HS3ST4: variants seen among roughly 807,000 people sequenced by gnomAD.
The protein encoded by HS3ST4 is heparan sulfate-glucosamine 3-sulfotransferase 4.
Under a neutral mutation model 29.2 loss-of-function variants are expected in HS3ST4, and 17 were observed. The ratio of observed to expected loss-of-function variants is 0.58; its 90% CI spans 0.40 to 0.87. The LOEUF (loss-of-function observed/expected upper bound fraction) is 0.87, where lower values mean the gene tolerates loss of function less well. HS3ST4 is among the 40% of genes least tolerant of loss of function. The probability of loss-of-function intolerance (pLI) is 0.00; values close to 1 mark genes in which losing one functional copy is unlikely to be tolerated. For synonymous variants in HS3ST4, 314 were observed against 285.7 expected (o/e 1.10, Z -1.00); for missense variants, 627 against 634.5 (o/e 0.99, Z 0.13).
chr16:26,039,786 T>C (rs1455214124), intron 1 of HS3ST4, among the ~76,000 whole-genome samples: 1 of 152,108 alleles, frequency 6.6e-6, no homozygotes, highest in Non-Finnish European at 1.5e-5. Flanking sequence ...CTTATGTCCA[T>C]GGGTTCAATT....
At chr16:25,829,302 T>A (rs796615630) in intron 1 of HS3ST4, among the ~76,000 whole-genome samples, 24 of 152,282 alleles carry the variant, frequency 1.6e-4, no homozygotes, top group African/African-American at 5.8e-4. Context: ...GAAAAGACAT[T>A]TTGCCCTAAA....
At chr16:25,837,742 A>G (rs1352772869) in intron 1 of HS3ST4, among the ~76,000 whole-genome samples, 2 of 152,118 alleles carry the variant, frequency 1.3e-5, no homozygotes, top group African/African-American at 4.8e-5. Context: ...TGCATATTAA[A>G]TACTTCTCTT....
chr16:25,909,201 T>C (rs146472258), intron 1 of HS3ST4, among the ~76,000 whole-genome samples: 33 of 152,318 alleles, frequency 2.2e-4, no homozygotes, highest in Non-Finnish European at 4.4e-4. Context: ...CTTTTTTCTT[T>C]TTTTCGAGAT....
At chr16:25,708,714 A>G (rs1328876917) in intron 1 of HS3ST4, among the ~76,000 whole-genome samples, 1 of 152,222 alleles carries the variant, frequency 6.6e-6, no homozygotes, top group African/African-American at 2.4e-5. Context: ...TTTAGAACAA[A>G]ACAATGAGTT....
chr16:25,816,615 G>GA (rs1967094659), intron 1 of HS3ST4, among the ~76,000 whole-genome samples: 4 of 152,176 alleles, frequency 2.6e-5, no homozygotes. Context: ...CTCTGGTGTT[G>GA]ATTTCAGAGG....
chr16:25,781,354 T>C (rs1285621126), intron 1 of HS3ST4, among the ~76,000 whole-genome samples: 1 of 152,204 alleles, frequency 6.6e-6, no homozygotes, highest in Admixed American at 6.5e-5. Context: ...AGGTCCCTCA[T>C]CAGCGGTTCT....
rs146163408 is a variant in HS3ST4 at position 25,827,910 on chromosome 16, C to T, written c.734+134759C>T. Among the ~76,000 whole-genome samples, 220 of 152,200 alleles carry T rather than the reference C, an allele frequency of 1.4e-3. 1 individual carries two copies. The highest frequency in any genetic ancestry group is 4.8e-3 in the African/African-American group (201 of 41,544). ...TACGGAGCTAGCAATCAGCAGAGCT[C>T]GTGTTGAAACCAAGTTTCAGATTCA... On this transcript the variant is annotated intron_variant, in intron 1 of 1. Transcript: ENST00000331351.
At chr16:25,917,142 G>A (rs1348524844) in intron 1 of HS3ST4, among the ~76,000 whole-genome samples, 1 of 152,176 alleles carries the variant, frequency 6.6e-6, no homozygotes, top group Non-Finnish European at 1.5e-5. Context: ...AGATGGGTTT[G>A]CCTAGCCTAG....
At chr16:25,827,533 CA>C (rs11371550) in intron 1 of HS3ST4, among the ~76,000 whole-genome samples, 2,209 of 136,232 alleles carry the variant, frequency 0.016, 51 homozygotes, top group African/African-American at 0.051. Flanking sequence ...GCTGTCTTCA[CA>C]AAAAAAAAAA....
chr16:25,724,909 G>GT lies in HS3ST4; in HGVS notation c.734+31770dup, dbSNP rs72007368. 9.1e-3 allele frequency among the ~76,000 whole-genome samples: 1,338 copies of GT among 146,986 alleles called. 22 individuals carry two copies. Among genetic ancestry groups the GT allele is most frequent in the African/African-American group, 0.028 (1,115 of 40,108 alleles). ...AGTCATTATGTGAAAACCTCGTCAA[G>GT]TTTTTTTTTTTTGCTGCTATTTTTC... On this transcript the variant is annotated intron_variant, in intron 1 of 1. Transcript: ENST00000331351.
intron 1 of HS3ST4, among the ~76,000 whole-genome samples, chr16:25,892,030 G>C (rs910069427): frequency 6.6e-6 from 1 of 152,144 alleles, no homozygotes; most frequent in Admixed American, 6.6e-5. Flanking sequence ...CCAACTCAAG[G>C]CAAGGGTTTA....
At chr16:25,996,465 A>G (rs1459598890) in intron 1 of HS3ST4, among the ~76,000 whole-genome samples, 2 of 152,204 alleles carry the variant, frequency 1.3e-5, no homozygotes, top group African/African-American at 4.8e-5. Flanking sequence ...TATATAGTAT[A>G]AGTTAATGGA....
intron 1 of HS3ST4, among the ~76,000 whole-genome samples, chr16:26,111,475 A>G (rs1159114776): frequency 2.6e-5 from 4 of 151,836 alleles, no homozygotes; most frequent in African/African-American, 9.7e-5. Flanking sequence ...TTAAAAACAC[A>G]GGCAAAAATG....
intron 1 of HS3ST4, among the ~76,000 whole-genome samples, chr16:26,005,604 C>T (rs1969250723): frequency 6.6e-6 from 1 of 151,804 alleles, no homozygotes; most frequent in South Asian, 2.1e-4. Context: ...AGACCTTCAG[C>T]ATTAGTAAGA....
intron 1 of HS3ST4, among the ~76,000 whole-genome samples, chr16:26,131,094 A>G (rs1899412599): frequency 6.6e-6 from 1 of 152,156 alleles, no homozygotes; most frequent in Non-Finnish European, 1.5e-5. Context: ...CCCACCCATC[A>G]TTAAGGACTT....
At chr16:25,956,547 A>G (rs950535867) in intron 1 of HS3ST4, among the ~76,000 whole-genome samples, 8 of 152,232 alleles carry the variant, frequency 5.3e-5, no homozygotes, top group African/African-American at 1.7e-4. Flanking sequence ...ATATGATCTT[A>G]TACCTAGAAA....
chr16:26,067,488 A>G (rs975279553), intron 1 of HS3ST4, among the ~76,000 whole-genome samples: 1 of 152,098 alleles, frequency 6.6e-6, no homozygotes, highest in African/African-American at 2.4e-5. Context: ...GACCCTAAGT[A>G]TAGCATTCCC....
At chr16:26,080,397 G>A (rs1396555075) in intron 1 of HS3ST4, among the ~76,000 whole-genome samples, 4 of 152,168 alleles carry the variant, frequency 2.6e-5, no homozygotes, top group Admixed American at 2.0e-4. Context: ...GGACAGATCA[G>A]ATAGCTAAAA....
chr16:25,898,205 T>C (rs2141672066), intron 1 of HS3ST4, among the ~76,000 whole-genome samples: 1 of 152,354 alleles, frequency 6.6e-6, no homozygotes. Flanking sequence ...ACCACCTGTG[T>C]CCAATCTCTC....
Sources: allele counts gnomAD v4.1 joint callset (sites outside exome capture counted in the v4.1 genomes callset), GRCh38; gene constraint gnomAD v4.1.1; transcripts MANE v1.5; gene names NCBI Gene and HGNC (gene_info 2026-07-23, HGNC 2026-07-21).